MYO7A: variants seen among roughly 807,000 people sequenced by gnomAD.
The protein encoded by MYO7A is myosin VIIA.
Under a neutral mutation model 263.8 loss-of-function variants are expected in MYO7A, and 210 were observed. The observed-to-expected ratio is 0.80, with a 90% CI of 0.71 to 0.89. The LOEUF (loss-of-function observed/expected upper bound fraction) is 0.89. Ranked by LOEUF, MYO7A falls within the 40% of genes least tolerant of loss-of-function variation. The probability of loss-of-function intolerance (pLI) is 0.00; values close to 1 mark genes in which losing one functional copy is unlikely to be tolerated. For missense variants in MYO7A, 2,820 were observed against 2,968.3 expected (o/e 0.95, Z 1.16); for synonymous variants, 1,239 against 1,197.3 (o/e 1.03, Z -0.72).
intron 4 of MYO7A, among the ~76,000 whole-genome samples, chr11:77,148,914 G>A (rs1015820160): frequency 3.3e-5 from 5 of 152,104 alleles, no homozygotes; most frequent in Non-Finnish European, 5.9e-5. Flanking sequence ...TCTGCTTCAC[G>A]TCCAGTCTGA....
At chr11:77,208,645 A>G in intron 43 of MYO7A, 52 bp from the exon 44 acceptor site, 1 of 1,511,492 alleles carries the variant, frequency 6.6e-7, no homozygotes, top group Non-Finnish European at 9.0e-7. Context: ...TCGGGACGTG[A>G]GCACTCCTCT....
chr11:77,133,484 G>A (rs1429352723), intron 2 of MYO7A, among the ~76,000 whole-genome samples: 5 of 152,154 alleles, frequency 3.3e-5, no homozygotes, highest in African/African-American at 1.2e-4. Flanking sequence ...TTTGTTTCTT[G>A]TAATGATTTT....
intron 18 of MYO7A, among the ~76,000 whole-genome samples, chr11:77,176,597 A>G (rs1954670842): frequency 1.3e-5 from 2 of 151,824 alleles, no homozygotes; most frequent in African/African-American, 4.8e-5. Flanking sequence ...GTACCAGGGA[A>G]CTCGGAGGAG....
intron 27 of MYO7A, 137 bp from the exon 28 acceptor site, chr11:77,189,207 A>T: frequency 7.8e-7 from 1 of 1,290,112 alleles, no homozygotes; most frequent in South Asian, 1.4e-5. Flanking sequence ...ACCCAGCCTC[A>T]CTCTGCCTCC....
Position 77,146,725 on chromosome 11 carries a change from G to C in MYO7A, c.133-1073G>C, listed in dbSNP as rs917740293. 2.0e-5 allele frequency among the ~76,000 whole-genome samples: 3 copies of C among 152,052 alleles called. No individual in the cohort carries two copies. The East Asian group carries it at 5.8e-4, about 29-fold the overall frequency. ...GGCCTGAGCTGGGAGGTGGCAGAGA[G>C]GTCCCCTTTCCCCCCAGAAGGCAGG... On this transcript the variant is annotated intron_variant, in intron 3 of 48. Transcript: ENST00000409709.
chr11:77,202,999 G>A (rs928759263), intron 37 of MYO7A, 61 bp from the exon 38 acceptor site: 15 of 1,530,140 alleles, frequency 9.8e-6, no homozygotes, highest in African/African-American at 1.4e-5. Flanking sequence ...TCACAACCTG[G>A]GGGTTTCTCC....
At chr11:77,153,894 G>A (rs1952203851) in intron 4 of MYO7A, among the ~76,000 whole-genome samples, 1 of 152,250 alleles carries the variant, frequency 6.6e-6, no homozygotes, top group African/African-American at 2.4e-5. Flanking sequence ...TTGAATGGCT[G>A]CATGGCATCA....
chr11:77,139,836 C>T (rs1392818774), intron 2 of MYO7A, among the ~76,000 whole-genome samples: 1 of 152,112 alleles, frequency 6.6e-6, no homozygotes, highest in Non-Finnish European at 1.5e-5. Context: ...TCAGTTTCCT[C>T]GGCTGTAAAA....
intron 18 of MYO7A, among the ~76,000 whole-genome samples, chr11:77,176,291 C>T (rs1322184997): frequency 6.6e-6 from 1 of 152,222 alleles, no homozygotes; most frequent in African/African-American, 2.4e-5. Context: ...CCTGCATTTC[C>T]TCATCAGCAA....
At chr11:77,183,236 G>C in intron 26 of MYO7A, 79 bp downstream of exon 26, 1 of 1,255,666 alleles carries the variant, frequency 8.0e-7, no homozygotes, top group Non-Finnish European at 1.1e-6. Flanking sequence ...GCTGAGCTGG[G>C]GGCCCACGGA....
intron 31 of MYO7A, chr11:77,194,142 G>C: frequency 1.4e-6 from 1 of 706,200 alleles, no homozygotes; most frequent in East Asian, 2.7e-5. Context: ...CCAGGAGAAG[G>C]TGAGGGTGTG....
At chr11:77,207,195 G>A (rs1957496069) in intron 41 of MYO7A, 94 bp from the exon 42 acceptor site, 1 of 793,112 alleles carries the variant, frequency 1.3e-6, no homozygotes, top group Non-Finnish European at 2.0e-6. Flanking sequence ...GGCACGGGAG[G>A]GGGCTCAGTA....
intron 10 of MYO7A, among the ~76,000 whole-genome samples, chr11:77,159,857 T>G (rs1263615808): frequency 6.6e-6 from 1 of 152,212 alleles, no homozygotes; most frequent in Non-Finnish European, 1.5e-5. Flanking sequence ...GTCTGTCTTT[T>G]AGCAAACACT....
Position 77,163,103 on chromosome 11 carries a change from C to CATATATATATATATATATATAT in MYO7A, c.1690+131_1690+132insATATATATATATATATATATAT, listed in dbSNP as rs55700684. Reference sequence around the variant, plus strand: ...AAGATTTTTAAAAATTGTGATTATTCATATATATATATATATGAACTTGAC... The same window carrying CATATATATATATATATATATAT: ...AAGATTTTTAAAAATTGTGATTATTCATATATATATATATATATATATATATATATATATATATGAACTTGAC... On this transcript the variant is annotated intron_variant, in intron 14 of 48. Coordinates refer to ENST00000409709, the MANE Select transcript of MYO7A (RefSeq NM_000260.4). The CATATATATATATATATATATAT allele has an allele frequency of 1.2e-5, 10 of 845,800 alleles. No individual in the cohort carries two copies. In the Admixed American group the frequency reaches 3.1e-4, roughly 26 times the overall value. The allele number at this position is 845,800 out of a possible 1,614,324, so 52.4% of individuals were successfully genotyped here.
intron 47 of MYO7A, 140 bp from the exon 48 acceptor site, chr11:77,213,720 C>T (rs146588058): frequency 2.6e-4 from 316 of 1,227,700 alleles, no homozygotes; most frequent in Non-Finnish European, 3.0e-4. Context: ...TGCTTCCCAC[C>T]GCAGCTGGAT....
At chr11:77,183,678 G>GCATT (rs770826598) in intron 26 of MYO7A, among the ~76,000 whole-genome samples, 4 of 152,206 alleles carry the variant, frequency 2.6e-5, no homozygotes, top group Non-Finnish European at 5.9e-5. Context: ...ACAAACCAAG[G>GCATT]CATTCACAGC....
At chr11:77,181,681 C>A in intron 23 of MYO7A, 92 bp downstream of exon 23, 2 of 1,261,014 alleles carry the variant, frequency 1.6e-6, no homozygotes, top group South Asian at 1.4e-5. Flanking sequence ...AAAGCCCACC[C>A]AGTCCCTCTG....
At chr11:77,166,267 A>T (rs1953535444) in intron 15 of MYO7A, 105 bp downstream of exon 15, 2 of 955,302 alleles carry the variant, frequency 2.1e-6, no homozygotes, top group Non-Finnish European at 3.3e-6. Flanking sequence ...CCCTGGCCAC[A>T]TAATGGGTAT....
rs763945464 is a variant in MYO7A at position 77,211,805 on chromosome 11, C to T, written c.6238-16C>T. 13 of 1,607,174 alleles carry T rather than the reference C, an allele frequency of 8.1e-6. No homozygotes were observed. The highest frequency in any genetic ancestry group is 4.4e-5 in the South Asian group (4 of 90,900). ...CCCCAGGACTGAGCCCAGCCCTGAC[C>T]GCCCTGTCCCCATAGTCCATCGTCG... On this transcript the variant is annotated splice_polypyrimidine_tract_variant and intron_variant, in intron 45 of 48. Transcript: ENST00000409709.
Sources: gnomAD v4.1 joint callset for allele counts (sites outside exome capture counted in the v4.1 genomes callset) on GRCh38, gnomAD v4.1.1 for gene constraint, MANE v1.5 for transcripts, NCBI Gene and HGNC (gene_info 2026-07-23, HGNC 2026-07-21) for gene names.